SLC35F1: variants seen among roughly 807,000 people sequenced by gnomAD.
SLC35F1 encodes the protein chromosome 6 open reading frame 169.
A neutral mutation model predicts 48.7 loss-of-function variants in SLC35F1; 14 were observed. The observed-to-expected ratio is 0.29, with a 90% CI of 0.19 to 0.45. SLC35F1 has a LOEUF of 0.45. SLC35F1 is among the 20% of genes least tolerant of loss of function. The pLI is 1.00. For missense variants in SLC35F1, 404 were observed against 500.0 expected, an observed-to-expected ratio of 0.81 and a Z score of 1.83; for synonymous variants, 190 against 202.2, an observed-to-expected ratio of 0.94 and a Z score of 0.51.
At chr6:118,310,255 T>G (rs1215664696) in intron 7 of SLC35F1, among the ~76,000 whole-genome samples, 2 of 152,172 alleles carry the variant, frequency 1.3e-5, no homozygotes, top group Non-Finnish European at 2.9e-5. Flanking sequence ...TACCTGTAAC[T>G]CAGAGACAGC....
At chr6:118,047,414 T>A (rs908992907) in intron 1 of SLC35F1, among the ~76,000 whole-genome samples, 13 of 152,166 alleles carry the variant, frequency 8.5e-5, no homozygotes, top group African/African-American at 2.9e-4. Context: ...TACTAAGTGT[T>A]TCTAGGGTAT....
At chr6:118,224,698 C>T (rs79429246) in intron 2 of SLC35F1, among the ~76,000 whole-genome samples, 4,711 of 152,222 alleles carry the variant, frequency 0.031, 248 homozygotes, top group African/African-American at 0.11. Context: ...TTCTTGATTT[C>T]TTCTTCAGAT....
chr6:118,143,653 A>G (rs1004390982), intron 1 of SLC35F1, among the ~76,000 whole-genome samples: 2 of 152,204 alleles, frequency 1.3e-5, no homozygotes, highest in Non-Finnish European at 2.9e-5. Flanking sequence ...TTCTAAATGT[A>G]TCATAATGCA....
At chr6:118,215,283 C>T (rs369964191) in intron 2 of SLC35F1, among the ~76,000 whole-genome samples, 4 of 152,014 alleles carry the variant, frequency 2.6e-5, no homozygotes, top group Non-Finnish European at 4.4e-5. Context: ...GAAAACTGCA[C>T]GCTGAATTTC....
At chr6:118,218,165 G>T (rs184642502) in intron 2 of SLC35F1, among the ~76,000 whole-genome samples, 12 of 152,254 alleles carry the variant, frequency 7.9e-5, no homozygotes, top group Non-Finnish European at 1.5e-5. Flanking sequence ...GCAAGGAGAA[G>T]GGAGAAAGTA....
At chr6:117,941,647 AT>A (rs1359033224) in intron 1 of SLC35F1, among the ~76,000 whole-genome samples, 1 of 152,124 alleles carries the variant, frequency 6.6e-6, no homozygotes, top group Non-Finnish European at 1.5e-5. Context: ...GAGATTATTG[AT>A]TTGGTTACTA....
chr6:117,990,249 C>T (rs1776900842), intron 1 of SLC35F1, among the ~76,000 whole-genome samples: 1 of 152,110 alleles, frequency 6.6e-6, no homozygotes, highest in African/African-American at 2.4e-5. Flanking sequence ...TTTAGAGTCA[C>T]AGTTATTTTA....
At chr6:118,000,299 G>A (rs1777072216) in intron 1 of SLC35F1, among the ~76,000 whole-genome samples, 2 of 150,782 alleles carry the variant, frequency 1.3e-5, no homozygotes, top group South Asian at 4.2e-4. Flanking sequence ...TTCAATATAT[G>A]CAAATCAATA....
chr6:118,139,456 CT>C (rs1281919508), intron 1 of SLC35F1, among the ~76,000 whole-genome samples: 1 of 152,186 alleles, frequency 6.6e-6, no homozygotes, highest in Non-Finnish European at 1.5e-5. Flanking sequence ...ACTAAATCAT[CT>C]GGAAATGGCT....
intron 1 of SLC35F1, among the ~76,000 whole-genome samples, chr6:117,974,330 A>G (rs1216216889): frequency 6.6e-6 from 1 of 152,220 alleles, no homozygotes; most frequent in Non-Finnish European, 1.5e-5. Context: ...TTCCAAACAT[A>G]GCTGTATTTT....
intron 1 of SLC35F1, among the ~76,000 whole-genome samples, chr6:118,071,011 C>CATA (rs1491339612): frequency 0.039 from 4,471 of 115,228 alleles, 1,172 homozygotes; most frequent in East Asian, 0.053. Context: ...TATATATACA[C>CATA]GTAGTATATA....
chr6:118,159,717 G>C (rs1774200222), intron 2 of SLC35F1, among the ~76,000 whole-genome samples: 3 of 152,158 alleles, frequency 2.0e-5, no homozygotes. Flanking sequence ...AAATGTGACA[G>C]ACTTTTAAAG....
At chr6:117,996,657 T>C (rs1002414470) in intron 1 of SLC35F1, among the ~76,000 whole-genome samples, 7 of 152,176 alleles carry the variant, frequency 4.6e-5, no homozygotes, top group East Asian at 1.9e-4. Context: ...CAGCTGCTGA[T>C]ACCCAGGCAC....
intron 2 of SLC35F1, among the ~76,000 whole-genome samples, chr6:118,228,467 G>A (rs1318864584): frequency 2.0e-5 from 3 of 152,096 alleles, no homozygotes; most frequent in Non-Finnish European, 4.4e-5. Context: ...CTTTGGGAGG[G>A]AGAGGCGGGC....
At chr6:118,077,111 G>T (rs147170110) in intron 1 of SLC35F1, among the ~76,000 whole-genome samples, 1,689 of 152,298 alleles carry the variant, frequency 0.011, 30 homozygotes, top group African/African-American at 0.037. Flanking sequence ...TTGAGTAGTT[G>T]TAAAGAAAGC....
At chr6:118,107,829 C>G (rs910766696) in intron 1 of SLC35F1, among the ~76,000 whole-genome samples, 7 of 151,914 alleles carry the variant, frequency 4.6e-5, no homozygotes, top group Middle Eastern at 3.4e-3. Context: ...TGTTAGGGAT[C>G]AAGGAAAAAT....
chr6:118,211,208 T>G (rs1047895157), intron 2 of SLC35F1, among the ~76,000 whole-genome samples: 3 of 152,230 alleles, frequency 2.0e-5, no homozygotes, highest in Non-Finnish European at 4.4e-5. Flanking sequence ...CCATCTAGTC[T>G]GTGGTACTTT....
intron 1 of SLC35F1, among the ~76,000 whole-genome samples, chr6:117,911,631 A>G (rs1449863974): frequency 6.6e-6 from 1 of 151,878 alleles, no homozygotes; most frequent in Non-Finnish European, 1.5e-5. Flanking sequence ...TTTTTAGTAG[A>G]ATCGAGGTCT....
intron 2 of SLC35F1, among the ~76,000 whole-genome samples, chr6:118,207,950 C>T (rs205923): frequency 0.068 from 10,345 of 152,166 alleles, 413 homozygotes; most frequent in South Asian, 0.12. Context: ...GGGATTGGGG[C>T]GATGATTTCT....
Sources: gnomAD v4.1 joint callset for allele counts (sites outside exome capture counted in the v4.1 genomes callset) on GRCh38, gnomAD v4.1.1 for gene constraint, MANE v1.5 for transcripts, NCBI Gene and HGNC (gene_info 2026-07-23, HGNC 2026-07-21) for gene names.